Variants in GALNT18 observed in about 807,000 individuals in gnomAD.
GALNT18 encodes the protein polypeptide N-acetylgalactosaminyltransferase 18.
A neutral mutation model predicts 69.5 loss-of-function variants in GALNT18; 44 were observed. The observed-to-expected ratio is 0.63, with a 90% CI of 0.50 to 0.81. GALNT18 has a LOEUF of 0.81. GALNT18 is among the 40% of genes least tolerant of loss of function. GALNT18 has a pLI of 0.00. For synonymous variants in GALNT18, 364 were observed against 318.2 expected, an observed-to-expected ratio of 1.14 and a Z score of -1.53; for missense variants, 715 against 810.0, an observed-to-expected ratio of 0.88 and a Z score of 1.42.
intron 10 of GALNT18, among the ~76,000 whole-genome samples, chr11:11,278,918 G>C (rs1281889803): frequency 1.3e-5 from 2 of 152,168 alleles, no homozygotes. Flanking sequence ...ATTCTGATTT[G>C]ATCATTACAC....
rs189368378 is a variant in GALNT18, at chr11:11,472,203, T to C, written c.236-23267A>G. ...GGATGGGGGCCATGTCTCCCACTGTTCTGCACTGCCTGGCTGGAGCAGAAA... is the reference window on the plus strand; with the variant it reads ...GGATGGGGGCCATGTCTCCCACTGTCCTGCACTGCCTGGCTGGAGCAGAAA... On this transcript the variant is annotated intron_variant, in intron 1 of 10. Transcript: ENST00000227756. Among the ~76,000 whole-genome samples, 159 of 152,322 alleles carry C rather than the reference T, an allele frequency of 1.0e-3. 2 individuals are homozygous for C. Among genetic ancestry groups the C allele is most frequent in the African/African-American group, 3.4e-3 (141 of 41,576 alleles).
At chr11:11,445,111 T>C (rs1855619180) in intron 2 of GALNT18, among the ~76,000 whole-genome samples, 1 of 152,254 alleles carries the variant, frequency 6.6e-6, no homozygotes, top group South Asian at 2.1e-4. Context: ...TGCTCAGTGC[T>C]ATATTGTTAA....
At chr11:11,336,412 CTG>C (rs1177909174) in intron 7 of GALNT18, among the ~76,000 whole-genome samples, 1 of 152,136 alleles carries the variant, frequency 6.6e-6, no homozygotes, top group Non-Finnish European at 1.5e-5. Context: ...CATTTGAAAA[CTG>C]TGGAAGGAAA....
At chr11:11,374,365 C>G (rs1269959645) in intron 5 of GALNT18, among the ~76,000 whole-genome samples, 1 of 152,206 alleles carries the variant, frequency 6.6e-6, no homozygotes, top group African/African-American at 2.4e-5. Context: ...TGGGACATAA[C>G]TGGCACTCAA....
intron 6 of GALNT18, chr11:11,352,236 G>A: frequency 6.2e-7 from 1 of 1,614,024 alleles, no homozygotes. Context: ...CAAGGCCTCA[G>A]GGCTGACAAG....
intron 3 of GALNT18, among the ~76,000 whole-genome samples, chr11:11,417,967 C>T (rs562897615): frequency 6.6e-6 from 1 of 152,354 alleles, no homozygotes; most frequent in Non-Finnish European, 1.5e-5. Context: ...ACAAATAGCT[C>T]TTGTCTGTAT....
chr11:11,570,593 C>T (rs1471299003), intron 1 of GALNT18, among the ~76,000 whole-genome samples: 1 of 152,252 alleles, frequency 6.6e-6, no homozygotes, highest in Admixed American at 6.5e-5. Flanking sequence ...TTTCAGATCA[C>T]AGTCTCAAAG....
At position 11,605,859 on chromosome 11, in the gene GALNT18, G is replaced by A. The variant is rs1859741860; in HGVS notation, c.235+15500C>T. 6.6e-6 allele frequency among the ~76,000 whole-genome samples: 1 copy of A among 152,184 alleles called. No individual in the cohort carries two copies. The highest frequency in any genetic ancestry group is 1.5e-5 in the Non-Finnish European group (1 of 68,024). On this transcript the variant is annotated intron_variant, in intron 1 of 10. Transcript: ENST00000227756. This position sits in a 1 kb window ranked among gnomAD's most constrained non-coding sequence, Gnocchi z 4.7. ...TGAAGGCTTCAGGCTTCTCTCACCA[G>A]CTGATCCCTGGGAGAGCTCAGTGTG...
chr11:11,292,108 G>C (rs989649367), intron 10 of GALNT18, among the ~76,000 whole-genome samples: 1 of 152,130 alleles, frequency 6.6e-6, no homozygotes, highest in Non-Finnish European at 1.5e-5. Flanking sequence ...CATGAATACA[G>C]GTGTTCCCTC....
chr11:11,515,746 G>A (rs1857260547), intron 1 of GALNT18, among the ~76,000 whole-genome samples: 1 of 152,216 alleles, frequency 6.6e-6, no homozygotes, highest in Non-Finnish European at 1.5e-5. Flanking sequence ...GAAGCCTTGT[G>A]GCTGTCTGGG....
At chr11:11,425,189 G>A (rs556552574) in intron 3 of GALNT18, among the ~76,000 whole-genome samples, 33 of 152,336 alleles carry the variant, frequency 2.2e-4, no homozygotes, top group African/African-American at 7.0e-4. Context: ...GAGGCCCGCT[G>A]AGTTGTATGC....
chr11:11,580,510 G>A (rs1300625121), intron 1 of GALNT18, among the ~76,000 whole-genome samples: 3 of 152,188 alleles, frequency 2.0e-5, no homozygotes, highest in Non-Finnish European at 4.4e-5. Context: ...TTTTTCCAGT[G>A]CAAATGTCTA....
In GALNT18 at chr11:11,337,601, A is replaced by T. The variant is rs989397410; in HGVS notation, c.1278+3218T>A. ...TGACAGAGAGATATTTAGGAGGGGG[A>T]GCTCTTCCCCCAGTTGGAGCTGGCT... On this transcript the variant is annotated intron_variant, in intron 7 of 10. Coordinates refer to ENST00000227756, the MANE Select transcript of GALNT18 (RefSeq NM_198516.3). The surrounding 1 kb of genome is among the most constrained non-coding windows in gnomAD (Gnocchi z 4.9). Among the ~76,000 whole-genome samples the T allele has an allele frequency of 7.9e-5, 12 of 152,070 alleles. No individual in the cohort carries two copies. The highest frequency in any genetic ancestry group is 1.3e-4 in the Non-Finnish European group (9 of 68,008).
intron 1 of GALNT18, among the ~76,000 whole-genome samples, chr11:11,552,402 A>C (rs1180083537): frequency 1.3e-5 from 2 of 152,228 alleles, no homozygotes; most frequent in African/African-American, 4.8e-5. Context: ...TTACCTTCTC[A>C]AAAAGACCAA....
chr11:11,362,070 C>T (rs1428522141), intron 6 of GALNT18, among the ~76,000 whole-genome samples: 1 of 152,114 alleles, frequency 6.6e-6, no homozygotes, highest in African/African-American at 2.4e-5. Flanking sequence ...TTTTGCAAAA[C>T]AGTGAGGAAA....
Position 11,332,251 on chromosome 11 carries a change from G to A in GALNT18, c.1416+443C>T, listed in dbSNP as rs1228856322. On this transcript the variant is annotated intron_variant, in intron 8 of 10. Transcript: ENST00000227756. This position sits in a 1 kb window ranked among gnomAD's most constrained non-coding sequence, Gnocchi z 4.3. ...ACAGCAAATAAAATAAATTCAAGAT[G>A]GCTCTGTCTCTAGAACTCTTCTCAG... Among the ~76,000 whole-genome samples, 2 of 152,084 alleles carry A rather than the reference G, an allele frequency of 1.3e-5. No individual in the cohort carries two copies. The highest frequency in any genetic ancestry group is 4.8e-5 in the African/African-American group (2 of 41,408).
At chr11:11,349,481 C>T (rs996866074) in intron 6 of GALNT18, among the ~76,000 whole-genome samples, 4 of 152,140 alleles carry the variant, frequency 2.6e-5, no homozygotes, top group African/African-American at 9.7e-5. Context: ...AAATTTTTGC[C>T]AATCTGATGG....
rs868002016 is a variant in GALNT18, at chr11:11,582,859, C to A, written c.235+38500G>T. On this transcript the variant is annotated intron_variant, in intron 1 of 10. Transcript: ENST00000227756. This position sits in a 1 kb window ranked among gnomAD's most constrained non-coding sequence, Gnocchi z 5.0. ...GAAGAACGGACCCACATCAGCTGCA[C>A]CTCTTTCTCCAACTCCTCACCACAG... is the stretch of plus-strand genomic sequence containing the variant. 1.3e-5 allele frequency among the ~76,000 whole-genome samples: 2 copies of A among 152,200 alleles called. No homozygotes were observed. The highest frequency in any genetic ancestry group is 2.9e-5 in the Non-Finnish European group (2 of 68,042).
At position 11,546,597 on chromosome 11, in the gene GALNT18, C is replaced by T. The variant is rs933068695; in HGVS notation, c.235+74762G>A. Among the ~76,000 whole-genome samples, 2 of 152,200 alleles carry T rather than the reference C, an allele frequency of 1.3e-5. No individual in the cohort carries two copies. The highest frequency in any genetic ancestry group is 2.1e-4 in the South Asian group (1 of 4,824). ...AAACACAAAATCTTGACCGTGCCTT[C>T]GAAGCCTTTCCCAACCCAGATCCAG... On this transcript the variant is annotated intron_variant, in intron 1 of 10. Transcript: ENST00000227756. This position sits in a 1 kb window ranked among gnomAD's most constrained non-coding sequence, Gnocchi z 5.8.
Sources: allele counts gnomAD v4.1 joint callset (sites outside exome capture counted in the v4.1 genomes callset), GRCh38; gene constraint gnomAD v4.1.1; non-coding constraint Gnocchi (gnomAD v3.1); transcripts MANE v1.5; gene names NCBI Gene and HGNC (gene_info 2026-07-23, HGNC 2026-07-21).